CDH8: variants seen among roughly 807,000 people sequenced by gnomAD.
CDH8 encodes cadherin-8.
In CDH8, 17 loss-of-function variants were observed where a neutral mutation model predicts 68.1. That is an observed-to-expected ratio of 0.25 (90% CI 0.17 to 0.37). The LOEUF is 0.37. Ranked by LOEUF, CDH8 falls within the 10% of genes least tolerant of loss-of-function variation. The pLI is 1.00. For missense variants in CDH8, 763 were observed against 999.3 expected (o/e 0.76, Z 3.19); for synonymous variants, 372 against 365.1 (o/e 1.02, Z -0.21).
intron 2 of CDH8, among the ~76,000 whole-genome samples, chr16:62,015,826 A>T (rs1029806284): frequency 2.0e-5 from 3 of 152,144 alleles, no homozygotes; most frequent in African/African-American, 7.2e-5. Context: ...ATACAAGAAG[A>T]TTGCAGTCTA....
intron 7 of CDH8, among the ~76,000 whole-genome samples, chr16:61,803,605 T>C (rs1265100016): frequency 6.6e-6 from 1 of 151,442 alleles, no homozygotes. Context: ...AGGTTCAAAA[T>C]AAAAGGATGG....
chr16:61,789,427 C>T lies in CDH8; in HGVS notation c.1333G>A (p.Asp445Asn), dbSNP rs756831047. 9 of 1,613,108 alleles carry T rather than the reference C, an allele frequency of 5.6e-6. No individual in the cohort carries two copies. The East Asian group carries it at 6.7e-5, about 12-fold the overall frequency. ...GGTGTTGCCAGCGTTATCTTCCCAT[C>T]GTCTGCATTAATGTTGAACTGCCTC... is the stretch of plus-strand genomic sequence containing the variant. ...LERQFNINAD[D>N]GKITLATPLD... The change falls in exon 8 of 12, where the codon GAT becomes AAT. Residue 445 changes from aspartate to asparagine, a missense_variant. By Grantham distance (23) the Asp-to-Asn change is conservative. Transcript: ENST00000577390.
In CDH8 at chr16:61,925,298, G is replaced by A. The variant is rs186029541; in HGVS notation, c.253-23825C>T. On this transcript the variant is annotated intron_variant, in intron 2 of 11. Coordinates refer to ENST00000577390, the MANE Select transcript of CDH8 (RefSeq NM_001796.5). Reference sequence around the variant, plus strand: ...AAATAAGAAGAGCAAACAAGATTTTGTTTTTCTTGTTGTGGTTGTTTTAAT... The same window carrying A: ...AAATAAGAAGAGCAAACAAGATTTTATTTTTCTTGTTGTGGTTGTTTTAAT... Among the ~76,000 whole-genome samples, 709 of 152,256 alleles carry A rather than the reference G, an allele frequency of 4.7e-3. 1 individual carries two copies. The highest frequency in any genetic ancestry group is 7.8e-3 in the Non-Finnish European group (530 of 68,000).
chr16:61,879,786 AG>A (rs34306725), intron 3 of CDH8, among the ~76,000 whole-genome samples: 1 of 152,198 alleles, frequency 6.6e-6, no homozygotes, highest in Non-Finnish European at 1.5e-5. Context: ...AAAAACAACA[AG>A]GAACAATATA....
At position 61,706,620 on chromosome 16, in the gene CDH8, C is replaced by CAAAAAAAA. The variant is rs781148249; in HGVS notation, c.1654+7213_1654+7220dup. Among the ~76,000 whole-genome samples the CAAAAAAAA allele has an allele frequency of 1.1e-3, 64 of 60,370 alleles. 2 individuals are homozygous for CAAAAAAAA. The highest frequency in any genetic ancestry group is 1.7e-3 in the Non-Finnish European group (56 of 33,510). The allele number at this position is 60,370 out of a possible 152,430, so 39.6% of individuals were successfully genotyped here. On this transcript the variant is annotated intron_variant, in intron 10 of 11. Transcript: ENST00000577390. ...TGGGCACCAGAGCAAGACTCTGTCT[C>CAAAAAAAA]AAAAAAAAAAAAAAAAAAAAAAAAG...
At chr16:61,849,679 T>C (rs1322145179) in intron 4 of CDH8, among the ~76,000 whole-genome samples, 2 of 152,130 alleles carry the variant, frequency 1.3e-5, no homozygotes. Flanking sequence ...TTCCCAGCAA[T>C]AGTCAAAATC....
intron 3 of CDH8, among the ~76,000 whole-genome samples, chr16:61,859,201 C>A (rs1011673016): frequency 1.3e-4 from 20 of 152,054 alleles, no homozygotes; most frequent in Non-Finnish European, 5.9e-5. Context: ...CACATTCCAC[C>A]AGATGCAAGT....
chr16:61,764,394 T>G (rs528586176), intron 8 of CDH8, among the ~76,000 whole-genome samples: 2 of 152,260 alleles, frequency 1.3e-5, no homozygotes, highest in South Asian at 4.1e-4. Context: ...TTGTCCTCTC[T>G]TCCACAGATG....
intron 5 of CDH8, among the ~76,000 whole-genome samples, chr16:61,824,089 T>G (rs533024587): frequency 6.6e-6 from 1 of 151,976 alleles, no homozygotes; most frequent in East Asian, 1.9e-4. Context: ...GAAATATTAT[T>G]CAGCCTTTAA....
intron 2 of CDH8, among the ~76,000 whole-genome samples, chr16:61,965,550 A>G (rs1195816547): frequency 2.0e-5 from 3 of 152,236 alleles, no homozygotes; most frequent in Admixed American, 2.0e-4. Flanking sequence ...TATGGCTCTC[A>G]GAAAACTATC....
chr16:61,832,948 T>C lies in CDH8; in HGVS notation c.668-7769A>G, dbSNP rs577621274. On this transcript the variant is annotated intron_variant, in intron 4 of 11. Transcript: ENST00000577390. ...GGCACTGGAATTGTCCCCCCCTTTT[T>C]TCATCTGTCTATAAGAAGAAGCACA... is the stretch of plus-strand genomic sequence containing the variant. Among the ~76,000 whole-genome samples the C allele has an allele frequency of 3.4e-4, 51 of 151,838 alleles. No individual in the cohort carries two copies. In the South Asian group the frequency reaches 6.6e-3, roughly 20 times the overall value.
chr16:61,800,909 C>T (rs1961609235), intron 7 of CDH8, among the ~76,000 whole-genome samples: 1 of 152,082 alleles, frequency 6.6e-6, no homozygotes, highest in South Asian at 2.1e-4. Context: ...TAAAATGACT[C>T]CCATAAATAT....
intron 8 of CDH8, among the ~76,000 whole-genome samples, chr16:61,759,912 G>C (rs922293985): frequency 6.6e-5 from 10 of 152,108 alleles, no homozygotes; most frequent in Admixed American, 3.9e-4. Flanking sequence ...TATCAGAGCT[G>C]CTTGGACCTT....
chr16:61,855,754 C>T (rs1176583507), intron 4 of CDH8, among the ~76,000 whole-genome samples: 4 of 152,028 alleles, frequency 2.6e-5, no homozygotes, highest in Non-Finnish European at 5.9e-5. Context: ...ACATTAGTAT[C>T]GAAATAAAAA....
intron 8 of CDH8, among the ~76,000 whole-genome samples, chr16:61,765,604 A>C (rs1261290555): frequency 6.6e-6 from 1 of 152,046 alleles, no homozygotes; most frequent in African/African-American, 2.4e-5. Context: ...AGAGAGTTCT[A>C]GTATTTTCTC....
intron 7 of CDH8, among the ~76,000 whole-genome samples, chr16:61,811,137 C>T (rs1441068308): frequency 6.6e-6 from 1 of 151,882 alleles, no homozygotes; most frequent in Non-Finnish European, 1.5e-5. Context: ...GATATTGTGC[C>T]TTTCTAGAAA....
chr16:61,838,699 A>G (rs964315099), intron 4 of CDH8, among the ~76,000 whole-genome samples: 1 of 152,182 alleles, frequency 6.6e-6, no homozygotes, highest in Non-Finnish European at 1.5e-5. Flanking sequence ...ACAAAATACC[A>G]TCTGTAGAAG....
rs1419080054 is a variant in CDH8 at position 61,932,601 on chromosome 16, T to C, written c.253-31128A>G. Among the ~76,000 whole-genome samples the C allele has an allele frequency of 2.6e-5, 4 of 152,176 alleles. No individual in the cohort carries two copies. In the South Asian group the frequency reaches 8.3e-4, roughly 32 times the overall value. ...GAAAGTTGTATCATTACTTATTTTC[T>C]GGGCCCCGCTTCTCATTTATTATTT... is the stretch of plus-strand genomic sequence containing the variant. On this transcript the variant is annotated intron_variant, in intron 2 of 11. Coordinates refer to ENST00000577390, the MANE Select transcript of CDH8 (RefSeq NM_001796.5).
chr16:62,034,644 A>T (rs1431773870), intron 1 of CDH8, among the ~76,000 whole-genome samples: 1 of 152,088 alleles, frequency 6.6e-6, no homozygotes, highest in African/African-American at 2.4e-5. Context: ...AGGTGAAAGA[A>T]AGCAGCTGAT....
Sources: gnomAD v4.1 joint callset for allele counts (sites outside exome capture counted in the v4.1 genomes callset) on GRCh38, gnomAD v4.1.1 for gene constraint, MANE v1.5 for transcripts, NCBI Gene and HGNC (gene_info 2026-07-23, HGNC 2026-07-21) for gene names.